Variants in PLCB2 observed in about 807,000 individuals in gnomAD.
The protein encoded by PLCB2 is phospholipase C beta 2.
A neutral mutation model predicts 141.7 loss-of-function variants in PLCB2; 115 were observed. The ratio of observed to expected loss-of-function variants is 0.81; its 90% CI spans 0.70 to 0.95. The LOEUF is 0.95. PLCB2 is among the 40% of genes least tolerant of loss of function. The pLI is 0.00. For synonymous variants in PLCB2, 603 were observed against 595.6 expected (o/e 1.01, Z -0.18); for missense variants, 1,403 against 1,541.1 (o/e 0.91, Z 1.50).
rs748285878 is a variant in PLCB2 at position 40,290,582 on chromosome 15, C to T, written c.3204G>A (p.Gln1068=). The T allele has an allele frequency of 2.5e-6, 4 of 1,613,488 alleles. No individual in the cohort carries two copies. Among genetic ancestry groups the T allele is most frequent in the Non-Finnish European group, 3.4e-6 (4 of 1,179,372 alleles). The change falls in exon 29 of 32, where the codon CAG becomes CAA. Residue 1068 remains glutamine, a synonymous_variant. Coordinates refer to ENST00000260402, the MANE Select transcript of PLCB2 (RefSeq NM_004573.3). ...GCCTCCCCTCCAGGGCTCACCTCTCCTGGGCCATCTTGTCTGTGGTGACTT... is the reference window on the plus strand; with the variant it reads ...GCCTCCCCTCCAGGGCTCACCTCTCTTGGGCCATCTTGTCTGTGGTGACTT... The part of the protein sequence containing the change: ...MTKVTTDKMA[Q]ERLKREINNS...
intron 1 of PLCB2, among the ~76,000 whole-genome samples, chr15:40,305,002 A>C (rs2040721055): frequency 6.6e-6 from 1 of 152,212 alleles, no homozygotes; most frequent in Admixed American, 6.5e-5. Flanking sequence ...TTCTCAGATC[A>C]GAGGTGGTTA....
intron 11 of PLCB2, 113 bp from the exon 12 acceptor site, chr15:40,298,072 C>G: frequency 8.8e-7 from 1 of 1,139,354 alleles, no homozygotes; most frequent in Non-Finnish European, 1.3e-6. Flanking sequence ...TGCATGGCCG[C>G]CATTGGCCCC....
At position 40,293,550 on chromosome 15, in the gene PLCB2, T is replaced by G; in HGVS notation, c.2226+10A>C. On this transcript the variant is annotated intron_variant, in intron 20 of 31. Coordinates refer to ENST00000260402, the MANE Select transcript of PLCB2 (RefSeq NM_004573.3). ...AGACAGACTCTGCCCTGCCATGCCC[T>G]GGCCCCCACCTTCTCAAAGACAAAG... 6.2e-7 allele frequency: 1 copy of G among 1,612,718 alleles called. No individual in the cohort carries two copies. The highest frequency in any genetic ancestry group is 2.2e-5 in the East Asian group (1 of 44,818).
intron 7 of PLCB2, 35 bp downstream of exon 7, chr15:40,301,922 T>C: frequency 6.3e-7 from 1 of 1,593,592 alleles, no homozygotes; most frequent in Non-Finnish European, 8.6e-7. Flanking sequence ...GGGACAAGAA[T>C]GCTGGGGGAT....
In PLCB2 at chr15:40,298,888, G is replaced by T; in HGVS notation, c.760C>A (p.Leu254Ile). Reference sequence around the variant, plus strand: ...GCTGGCGGGAACAGCAGGGAGTTAAGCCGGGAGTCCCGCTGTTTCTGGTTG... The same window carrying T: ...GCTGGCGGGAACAGCAGGGAGTTAATCCGGGAGTCCCGCTGTTTCTGGTTG... The part of the protein sequence containing the change: ...FINQKQRDSR[L>I]NSLLFPPARP... The change falls in exon 9 of 32, where the codon CTT becomes ATT. Residue 254 changes from leucine to isoleucine, a missense_variant. Physicochemically the swap from Leu to Ile is conservative, Grantham distance 5. This residue lies in a region of PLCB2 where 975 missense variants were observed against 1,141.1 expected (regional missense o/e 0.85). Transcript: ENST00000260402. 1 of 1,611,932 alleles carries T rather than the reference G, an allele frequency of 6.2e-7. No individual in the cohort carries two copies. Among genetic ancestry groups the T allele is most frequent in the Non-Finnish European group, 8.5e-7 (1 of 1,180,012 alleles).
In PLCB2 at chr15:40,303,365, A is replaced by G. The variant is rs2040623080; in HGVS notation, c.163-9T>C. 9 of 1,608,804 alleles carry G rather than the reference A, an allele frequency of 5.6e-6. No homozygotes were observed. Among genetic ancestry groups the G allele is most frequent in the Non-Finnish European group, 7.7e-6 (9 of 1,175,332 alleles). ...TCCAGAAACTCCATCTCCTGGGGGC[A>G]GGGTGCGGATCCCGGTGGGAGCAAA... is the stretch of plus-strand genomic sequence containing the variant. On this transcript the variant is annotated splice_polypyrimidine_tract_variant and intron_variant, in intron 2 of 31. Transcript: ENST00000260402.
At chr15:40,299,054 G>A (rs72731486) in intron 8 of PLCB2, 74 bp downstream of exon 8, 91,854 of 1,568,834 alleles carry the variant, frequency 0.059, 3,269 homozygotes, top group South Asian at 0.12. Flanking sequence ...CCTGACTCCC[G>A]GCATGGCAGG....
intron 29 of PLCB2, 89 bp downstream of exon 29, chr15:40,290,488 G>T: frequency 1.1e-6 from 1 of 940,910 alleles, no homozygotes; most frequent in Non-Finnish European, 1.7e-6. Context: ...ATGCATCTTT[G>T]GGAAGTGAGT....
Position 40,302,568 on chromosome 15 carries a change from A to T in PLCB2, c.273T>A (p.Asp91Glu). 1 of 1,614,164 alleles carries T rather than the reference A, an allele frequency of 6.2e-7. No homozygotes were observed. The highest frequency in any genetic ancestry group is 8.5e-7 in the Non-Finnish European group (1 of 1,180,000). The change falls in exon 4 of 32, where the codon GAT becomes GAA. Residue 91 changes from aspartate to glutamate, a missense_variant. Asp to Glu is a conservative substitution (Grantham distance 45). Around this residue, in one of 4 missense-constraint regions of PLCB2, gnomAD observed 975 missense variants for 1,141.1 expected, o/e 0.85. Coordinates refer to ENST00000260402, the MANE Select transcript of PLCB2 (RefSeq NM_004573.3). Reference protein sequence around the residue: ...LRDVFNMDFPDNSFLLKTLTV... With the variant: ...LRDVFNMDFPENSFLLKTLTV... The stretch of plus-strand genomic sequence containing the variant: ...TGAGTGTCTTCAGCAGGAAACTGTT[A>T]TCAGGAAAGTCCATGTTGAAGACGT...
rs757520720 is a variant in PLCB2, at chr15:40,293,554, C to T, written c.2226+6G>A. On this transcript the variant is annotated splice_donor_region_variant and intron_variant, in intron 20 of 31. Transcript: ENST00000260402. ...AGACTCTGCCCTGCCATGCCCTGGC[C>T]CCCACCTTCTCAAAGACAAAGGGCT... 1.9e-6 allele frequency: 3 copies of T among 1,613,052 alleles called. No individual in the cohort carries two copies. Among genetic ancestry groups the T allele is most frequent in the South Asian group, 1.1e-5 (1 of 91,056 alleles).
In PLCB2 at chr15:40,292,149, A is replaced by G. The variant is rs1386925860; in HGVS notation, c.2441T>C (p.Val814Ala). ...GAACTTAATGGGGTTGGCGAGGGCC[A>G]CAGTGAGATCTGGGTGGGTGCACAG... Reference protein sequence around the residue: ...YIPGAWADLTVALANPIKFFS... With the variant: ...YIPGAWADLTAALANPIKFFS... The change falls in exon 23 of 32, where the codon GTG becomes GCG. Residue 814 changes from valine to alanine, a missense_variant. By Grantham distance (64) the Val-to-Ala change is moderately conservative. Around this residue, in one of 4 missense-constraint regions of PLCB2, gnomAD observed 975 missense variants for 1,141.1 expected, o/e 0.85. Coordinates refer to ENST00000260402, the MANE Select transcript of PLCB2 (RefSeq NM_004573.3). 6.2e-7 allele frequency: 1 copy of G among 1,614,006 alleles called. No individual in the cohort carries two copies. Among genetic ancestry groups the G allele is most frequent in the African/African-American group, 1.3e-5 (1 of 74,942 alleles).
chr15:40,293,065 G>T, intron 20 of PLCB2, 40 bp from the exon 21 acceptor site: 1 of 1,316,780 alleles, frequency 7.6e-7, no homozygotes, highest in Non-Finnish European at 1.1e-6. Flanking sequence ...GGAGGGGAGA[G>T]AGGAGCCAAG....
intron 19 of PLCB2, 132 bp from the exon 20 acceptor site, chr15:40,293,856 G>T: frequency 2.3e-6 from 2 of 857,156 alleles, no homozygotes; most frequent in Non-Finnish European, 3.6e-6. Context: ...CTCAGCTCTG[G>T]CCATGAGTAG....
At chr15:40,296,212 T>G in intron 16 of PLCB2, 84 bp downstream of exon 16, 8 of 1,044,440 alleles carry the variant, frequency 7.7e-6, no homozygotes, top group East Asian at 2.5e-5. Context: ...CGTGGCTGGA[T>G]ATTTATAGGC....
rs758123654 is a variant in PLCB2, at chr15:40,295,237, T to C, written c.1745A>G (p.Tyr582Cys). Reference protein sequence around the residue: ...VISSFTELKAYDLLSKASVQF... With the variant: ...VISSFTELKACDLLSKASVQF... ...CACCGAGGCCTTGGAGAGCAGGTCA[T>C]ATGCCTTGAGCTCTGTGAAGGACGA... Residue 582 changes from tyrosine to cysteine, a missense_variant, in exon 17 of 32, where the codon TAT (tyrosine) becomes TGT (cysteine). Tyr to Cys is a radical substitution (Grantham distance 194). Around this residue, in one of 4 missense-constraint regions of PLCB2, gnomAD observed 975 missense variants for 1,141.1 expected, o/e 0.85. Transcript: ENST00000260402. 6.2e-6 allele frequency: 10 copies of C among 1,613,974 alleles called. No homozygotes were observed. Among genetic ancestry groups the C allele is most frequent in the South Asian group, 5.5e-5 (5 of 91,076 alleles).
chr15:40,284,692 T>A (rs902746125), downstream of PLCB2, among the ~76,000 whole-genome samples: 1 of 151,644 alleles, frequency 6.6e-6, no homozygotes, highest in Non-Finnish European at 1.5e-5. Context: ...ATACAAAAAT[T>A]AGCTGGGCGC....
chr15:40,306,660 C>T (rs926247618), intron 1 of PLCB2, among the ~76,000 whole-genome samples: 5 of 152,160 alleles, frequency 3.3e-5, no homozygotes, highest in Admixed American at 1.3e-4. Flanking sequence ...AGCCCAGCCC[C>T]GAAGGGCCTA....
intron 1 of PLCB2, among the ~76,000 whole-genome samples, chr15:40,306,913 G>A (rs1484247997): frequency 6.6e-6 from 1 of 152,250 alleles, no homozygotes; most frequent in Non-Finnish European, 1.5e-5. Context: ...GAGCCTGGGA[G>A]CAGCCCCGTG....
downstream of PLCB2, chr15:40,285,581 GC>G: frequency 1.0e-6 from 1 of 985,118 alleles, no homozygotes; most frequent in Non-Finnish European, 1.2e-6. Context: ...TTCTGGGGTG[GC>G]CCCCAGGAAT....
Sources: gnomAD v4.1 joint callset for allele counts (sites outside exome capture counted in the v4.1 genomes callset) on GRCh38, gnomAD v4.1.1 for gene constraint, gnomAD v4.1.1 regional missense constraint, MANE v1.5 for transcripts, NCBI Gene and HGNC (gene_info 2026-07-23, HGNC 2026-07-21) for gene names.